MED12L: variants seen among roughly 807,000 people sequenced by gnomAD.
MED12L encodes mediator of RNA polymerase II transcription subunit 12-like protein.
Under a neutral mutation model 281.3 loss-of-function variants are expected in MED12L, and 60 were observed. That is an observed-to-expected ratio of 0.21 (90% CI 0.17 to 0.26). MED12L has a LOEUF of 0.26. MED12L is among the 10% of genes least tolerant of loss of function. The pLI is 1.00. For synonymous variants in MED12L, 974 were observed against 987.2 expected (o/e 0.99, Z 0.25); for missense variants, 2,146 against 2,680.9 (o/e 0.80, Z 4.41).
At chr3:151,297,347 A>T (rs1745236185) in intron 16 of MED12L, among the ~76,000 whole-genome samples, 1 of 152,154 alleles carries the variant, frequency 6.6e-6, no homozygotes, top group Admixed American at 6.5e-5. Flanking sequence ...CTGAGTTAAG[A>T]TGTCTGCTTG....
At chr3:151,214,179 T>C (rs1376684740) in intron 16 of MED12L, 4 of 1,614,128 alleles carry the variant, frequency 2.5e-6, no homozygotes, top group Non-Finnish European at 1.7e-6. Context: ...CGTAAAAGAA[T>C]ATCCATCCTG....
At chr3:151,412,711 T>C (rs1287662525) in intron 41 of MED12L, among the ~76,000 whole-genome samples, 2 of 152,250 alleles carry the variant, frequency 1.3e-5, no homozygotes, top group Admixed American at 6.5e-5. Flanking sequence ...ATCCCACCTG[T>C]GCCATTTGCT....
At chr3:151,146,664 T>G (rs1717802563) in intron 5 of MED12L, among the ~76,000 whole-genome samples, 1 of 152,118 alleles carries the variant, frequency 6.6e-6, no homozygotes, top group Non-Finnish European at 1.5e-5. Flanking sequence ...GTAAAATGAG[T>G]CATCCAGACA....
chr3:151,340,607 T>C (rs1366873858), intron 16 of MED12L: 1 of 152,630 alleles, frequency 6.6e-6, no homozygotes, highest in African/African-American at 2.4e-5. Flanking sequence ...TGATAACTGT[T>C]GATTCTGGAG....
At chr3:151,290,590 C>T (rs569065903) in intron 16 of MED12L, among the ~76,000 whole-genome samples, 22 of 150,164 alleles carry the variant, frequency 1.5e-4, no homozygotes, top group Admixed American at 3.3e-4. Context: ...AAAGAACAGT[C>T]TATTTGTAGC....
At chr3:151,195,530 T>G (rs1269590527) in intron 16 of MED12L, among the ~76,000 whole-genome samples, 2 of 152,182 alleles carry the variant, frequency 1.3e-5, no homozygotes, top group Non-Finnish European at 2.9e-5. Context: ...ATATCTATGC[T>G]TTTCTACTGT....
chr3:151,212,294 G>C (rs1455644711), intron 16 of MED12L: 1 of 152,140 alleles, frequency 6.6e-6, no homozygotes, highest in Non-Finnish European at 1.5e-5. Flanking sequence ...CGTATGCCAT[G>C]TCTCCAGAAG....
chr3:151,352,799 A>G (rs1232027240), intron 17 of MED12L, among the ~76,000 whole-genome samples: 1 of 152,150 alleles, frequency 6.6e-6, no homozygotes. Context: ...TTTTGAAAAT[A>G]TTAGTGAAGT....
intron 16 of MED12L, among the ~76,000 whole-genome samples, chr3:151,277,641 A>C (rs184072866): frequency 4.6e-5 from 7 of 152,312 alleles, no homozygotes; most frequent in Admixed American, 2.0e-4. Flanking sequence ...TTTAATTTAT[A>C]ATGTTTAAAG....
At chr3:151,431,847 C>A (rs1719569842) in intron 44 of MED12L, among the ~76,000 whole-genome samples, 1 of 152,178 alleles carries the variant, frequency 6.6e-6, no homozygotes. Context: ...TTTTAACCCA[C>A]CCTGTGAGAT....
Position 151,176,767 on chromosome 3 carries a change from C to T in MED12L, c.1495-8563C>T, listed in dbSNP as rs57886344. ...AAGTGATAGTGTTGAGGCCAGCAGC[C>T]TGAACTTATTAAATGAGGAATGGGA... On this transcript the variant is annotated intron_variant, in intron 11 of 44. Transcript: ENST00000687756. 8.6e-3 allele frequency among the ~76,000 whole-genome samples: 1,307 copies of T among 152,264 alleles called. 27 individuals are homozygous for T. The highest frequency in any genetic ancestry group is 0.03 in the African/African-American group (1,238 of 41,544).
intron 16 of MED12L, among the ~76,000 whole-genome samples, chr3:151,253,342 C>G (rs1411701419): frequency 6.6e-6 from 1 of 152,186 alleles, no homozygotes; most frequent in Non-Finnish European, 1.5e-5. Context: ...CGCTCTTACC[C>G]CTCACTCCAG....
At chr3:151,378,648 T>C (rs1467635763) in intron 31 of MED12L, among the ~76,000 whole-genome samples, 1 of 152,154 alleles carries the variant, frequency 6.6e-6, no homozygotes, top group Non-Finnish European at 1.5e-5. Context: ...CAACTAATGT[T>C]TTCTTAATTT....
At chr3:151,148,265 A>G (rs1194710139) in intron 5 of MED12L, among the ~76,000 whole-genome samples, 1 of 152,198 alleles carries the variant, frequency 6.6e-6, no homozygotes, top group Non-Finnish European at 1.5e-5. Context: ...TCCTTTATAT[A>G]TGATTTGAAA....
chr3:151,142,110 G>T (rs1361734660), intron 5 of MED12L, among the ~76,000 whole-genome samples: 4 of 152,156 alleles, frequency 2.6e-5, no homozygotes, highest in African/African-American at 9.7e-5. Context: ...TCTCATTTGG[G>T]CTAGTTTTCT....
intron 26 of MED12L, 74 bp from the exon 27 acceptor site, chr3:151,372,493 T>A: frequency 9.4e-7 from 1 of 1,064,732 alleles, no homozygotes; most frequent in East Asian, 2.4e-5. Flanking sequence ...CTGAATGCTA[T>A]CCTCATTTGC....
intron 11 of MED12L, among the ~76,000 whole-genome samples, chr3:151,181,773 A>G (rs536617192): frequency 6.6e-6 from 1 of 151,742 alleles, no homozygotes; most frequent in Admixed American, 6.6e-5. Flanking sequence ...TTTAGTAGAG[A>G]TGGTGTTTCA....
chr3:151,295,367 G>C (rs989599319), intron 16 of MED12L: 1 of 593,522 alleles, frequency 1.7e-6, no homozygotes, highest in African/African-American at 1.9e-5. Flanking sequence ...TTAATGTTTT[G>C]AGTGGCCAAA....
At chr3:151,431,594 C>G (rs879732065) in intron 44 of MED12L, among the ~76,000 whole-genome samples, 5 of 152,232 alleles carry the variant, frequency 3.3e-5, no homozygotes, top group Non-Finnish European at 5.9e-5. Context: ...TAATTAAAAT[C>G]TCATTATGTT....
Sources: gnomAD v4.1 joint callset for allele counts (sites outside exome capture counted in the v4.1 genomes callset) on GRCh38, gnomAD v4.1.1 for gene constraint, MANE v1.5 for transcripts, NCBI Gene and HGNC (gene_info 2026-07-23, HGNC 2026-07-21) for gene names.